PLPP2: variants seen among roughly 807,000 people sequenced by gnomAD.
PLPP2 encodes phospholipid phosphatase 2, also known as PAP2-gamma.
Under a neutral mutation model 35.2 loss-of-function variants are expected in PLPP2, and 29 were observed. The ratio of observed to expected loss-of-function variants is 0.82; its 90% CI spans 0.61 to 1.12. The LOEUF (loss-of-function observed/expected upper bound fraction) is 1.12, where lower values mean the gene tolerates loss of function less well. Among genes scored for constraint, PLPP2 ranks in the 50% most tolerant of loss-of-function variants. The pLI is 0.00. For missense variants in PLPP2, 353 were observed against 375.2 expected, an observed-to-expected ratio of 0.94 and a Z score of 0.49; for synonymous variants, 162 against 167.0, an observed-to-expected ratio of 0.97 and a Z score of 0.23.
Position 288,171 on chromosome 19 carries a change from G to A in PLPP2, c.53C>T (p.Ala18Val). ...VLLDVLCLLV[A>V]SLPFAILTLV... ...CGTCAGGATAGCGAAGGGCAGGGAG[G>A]CTGGTGGGGAAGAAAAGCCTGGGAG... The change falls in exon 2 of 6, where the codon GCC becomes GTC. Residue 18 changes from alanine (A) to valine (V), a missense_variant and splice_region_variant. Physicochemically the swap from Ala to Val is moderately conservative, Grantham distance 64. Coordinates refer to ENST00000434325, the MANE Select transcript of PLPP2 (RefSeq NM_003712.4). 1.3e-6 allele frequency: 2 copies of A among 1,571,118 alleles called. No homozygotes were observed. The highest frequency in any genetic ancestry group is 1.7e-6 in the Non-Finnish European group (2 of 1,153,890).
At chr19:288,753 C>G (rs867562111) in intron 1 of PLPP2, among the ~76,000 whole-genome samples, 33 of 152,294 alleles carry the variant, frequency 2.2e-4, no homozygotes, top group Admixed American at 9.2e-4. Flanking sequence ...TGGAATTTGG[C>G]AGTCACGTGT....
At position 288,188 on chromosome 19, in the gene PLPP2, GC is replaced by G; in HGVS notation, c.53-18del. On this transcript the variant is annotated intron_variant, in intron 1 of 5. Transcript: ENST00000434325. Reference sequence around the variant, plus strand: ...GCAGGGAGGCTGGTGGGGAAGAAAAGCCTGGGAGCTGTGAGGTTCTCTCACC... The same window carrying G: ...GCAGGGAGGCTGGTGGGGAAGAAAAGCTGGGAGCTGTGAGGTTCTCTCACC... 1 of 1,557,684 alleles carries G rather than the reference GC, an allele frequency of 6.4e-7. No individual in the cohort carries two copies. Among genetic ancestry groups the G allele is most frequent in the Non-Finnish European group, 8.7e-7 (1 of 1,147,874 alleles).
chr19:288,924 G>A (rs756108891), intron 1 of PLPP2, among the ~76,000 whole-genome samples: 7 of 152,188 alleles, frequency 4.6e-5, no homozygotes, highest in Non-Finnish European at 8.8e-5. Context: ...CTAAGAGCAG[G>A]CCAGAGAAGT....
chr19:290,347 A>G (rs1970361799), intron 1 of PLPP2, among the ~76,000 whole-genome samples: 1 of 152,226 alleles, frequency 6.6e-6, no homozygotes, highest in East Asian at 1.9e-4. Flanking sequence ...GCATACAGAA[A>G]GTGCCACCTA....
At chr19:288,466 T>TA (rs1044576417) in intron 1 of PLPP2, 11 of 223,522 alleles carry the variant, frequency 4.9e-5, no homozygotes, top group African/African-American at 2.1e-4. Flanking sequence ...CTTTTTTTTT[T>TA]AAATTTTTAA....
chr19:288,354 C>T (rs1970313607), intron 1 of PLPP2, 183 bp from the exon 2 acceptor site: 1 of 520,008 alleles, frequency 1.9e-6, no homozygotes, highest in Non-Finnish European at 3.2e-6. Flanking sequence ...ACAAACTCCT[C>T]AGGCGCTCTG....
In PLPP2 at chr19:281,554, T is replaced by G; in HGVS notation, c.718-17A>C. The G allele has an allele frequency of 1.4e-6, 2 of 1,445,426 alleles. No homozygotes were observed. The highest frequency in any genetic ancestry group is 1.8e-6 in the Non-Finnish European group (2 of 1,091,414). The allele number at this position is 1,445,426 out of a possible 1,614,324, so 89.5% of individuals were successfully genotyped here. A position where few individuals can be genotyped will look rare whatever the true frequency, so the allele number is the denominator to read the frequency against. The stretch of plus-strand genomic sequence containing the variant: ...GTAGCAGACCTGGTAGAGCAGAGGG[T>G]GGTGAGAATGGGCAGGGGGCTGTCC... On this transcript the variant is annotated splice_polypyrimidine_tract_variant and intron_variant, in intron 5 of 5. Coordinates refer to ENST00000434325, the MANE Select transcript of PLPP2 (RefSeq NM_003712.4).
Position 287,714 on chromosome 19 carries a change from C to A in PLPP2, c.242G>T (p.Arg81Leu), listed in dbSNP as rs1206100352. 12 of 1,613,876 alleles carry A rather than the reference C, an allele frequency of 7.4e-6. No individual in the cohort carries two copies. Among genetic ancestry groups the A allele is most frequent in the Non-Finnish European group, 9.3e-6 (11 of 1,180,042 alleles). Residue 81 changes from arginine to leucine, a missense_variant, in exon 3 of 6, where the codon CGG becomes CTG. Physicochemically the swap from Arg to Leu is moderately radical, Grantham distance 102 (BLOSUM62 -2). Transcript: ENST00000434325. This position sits in a 1 kb window ranked among gnomAD's most constrained non-coding sequence, Gnocchi z 4.3. ...AGEAYLVYTD[R>L]LYSRSDFNNY... is the part of the protein sequence containing the mutation. ...GTTGAAGTCCGAGCGAGAATAGAGCCGGTCTGTGTACACCAGGTAGGCTTC... is the reference window on the plus strand; with the variant it reads ...GTTGAAGTCCGAGCGAGAATAGAGCAGGTCTGTGTACACCAGGTAGGCTTC...
intron 1 of PLPP2, chr19:290,913 C>G (rs904540352): frequency 5.7e-6 from 7 of 1,222,168 alleles, no homozygotes; most frequent in Non-Finnish European, 6.1e-6. Context: ...GCCGGGGTAA[C>G]CCGCGGCCGC....
chr19:287,634 C>T lies in PLPP2; in HGVS notation c.322G>A (p.Val108Met), dbSNP rs756588501. Residue 108 changes from valine (V) to methionine (M), a missense_variant, in exon 3 of 6, where the codon GTG (valine) becomes ATG (methionine). Val to Met is a conservative substitution (Grantham distance 21). Coordinates refer to ENST00000434325, the MANE Select transcript of PLPP2 (RefSeq NM_003712.4). This position sits in a 1 kb window ranked among gnomAD's most constrained non-coding sequence, Gnocchi z 4.3. ...GCCAGGTCTGTCAGAGACTGGCTCA[C>T]GGCAGCCCCAAACAGGAAGGTCCCC... ...VLGTFLFGAAVSQSLTDLAKY... is the reference protein window; with the variant it reads ...VLGTFLFGAAMSQSLTDLAKY... The T allele has an allele frequency of 9.3e-6, 15 of 1,613,770 alleles. No individual in the cohort carries two copies. The highest frequency in any genetic ancestry group is 3.3e-5 in the Admixed American group (2 of 60,002).
rs774305457 is a variant in PLPP2 at position 282,119 on chromosome 19, G to A, written c.717+15C>T. On this transcript the variant is annotated intron_variant, in intron 5 of 5. Coordinates refer to ENST00000434325, the MANE Select transcript of PLPP2 (RefSeq NM_003712.4). The stretch of plus-strand genomic sequence containing the variant: ...CTGGACAACACAGGGGATAGAGTTA[G>A]GGTTAGAAGCTCACAGTGAGGGCAG... 1.2e-6 allele frequency: 2 copies of A among 1,612,496 alleles called. No homozygotes were observed. The highest frequency in any genetic ancestry group is 2.7e-5 in the African/African-American group (2 of 74,818).
At chr19:288,318 T>G in intron 1 of PLPP2, 147 bp from the exon 2 acceptor site, 1 of 695,670 alleles carries the variant, frequency 1.4e-6, no homozygotes, top group Non-Finnish European at 2.2e-6. Flanking sequence ...CAAATAACAC[T>G]CCCTTTCGCA....
At chr19:286,250 T>C (rs895825743) in intron 3 of PLPP2, 1 of 151,448 alleles carries the variant, frequency 6.6e-6, no homozygotes, top group African/African-American at 2.4e-5. Flanking sequence ...GGCGAGAGGA[T>C]TGCTTGAGCC....
At position 281,197 on chromosome 19, in the gene PLPP2, G is replaced by T; in HGVS notation, c.*191C>A. The T allele has an allele frequency of 2.2e-6, 1 of 464,584 alleles. No individual in the cohort carries two copies. Among genetic ancestry groups the T allele is most frequent in the Non-Finnish European group, 3.5e-6 (1 of 287,178 alleles). 28.8% of individuals were successfully genotyped at this position (464,584 alleles called of 1,614,324 possible). On this transcript the variant is annotated 3_prime_UTR_variant, in exon 6 of 6. Coordinates refer to ENST00000434325, the MANE Select transcript of PLPP2 (RefSeq NM_003712.4). The stretch of plus-strand genomic sequence containing the variant: ...AACAGGTTCCCCTCCAAATGCTGAG[G>T]GCTACCCAGGCATCTCCAGACTCCT...
intron 5 of PLPP2, 68 bp from the exon 6 acceptor site, chr19:281,605 A>T (rs988907719): frequency 3.0e-6 from 4 of 1,338,782 alleles, no homozygotes; most frequent in Non-Finnish European, 3.9e-6. Context: ...GGGCATGAGC[A>T]GGAGGGGGAG....
rs549935233 is a variant in PLPP2 at position 287,947 on chromosome 19, C to T, written c.204+73G>A. ...CCAGGGCAGGGCTGTGCCACCCCCC[C>T]ATCAGGCCCCCAGGGTAAAGCTGGC... On this transcript the variant is annotated intron_variant, in intron 2 of 5. Transcript: ENST00000434325. The surrounding 1 kb of genome is among the most constrained non-coding windows in gnomAD (Gnocchi z 4.3). The T allele has an allele frequency of 1.5e-5, 24 of 1,552,154 alleles. No individual in the cohort carries two copies. The South Asian group carries it at 2.1e-4, about 14-fold the overall frequency.
chr19:291,006 C>T, intron 1 of PLPP2: 2 of 1,279,142 alleles, frequency 1.6e-6, no homozygotes, highest in Non-Finnish European at 2.0e-6. Context: ...TCCGCACAGA[C>T]TTCCTGCTGC....
In PLPP2 at chr19:281,195, AG is replaced by A; in HGVS notation, c.*192del. 2.2e-6 allele frequency: 1 copy of A among 457,232 alleles called. No individual in the cohort carries two copies. Among genetic ancestry groups the A allele is most frequent in the Non-Finnish European group, 3.6e-6 (1 of 280,504 alleles). 28.3% of individuals were successfully genotyped at this position (457,232 alleles called of 1,614,324 possible). On this transcript the variant is annotated 3_prime_UTR_variant, in exon 6 of 6. Transcript: ENST00000434325. ...GGAACAGGTTCCCCTCCAAATGCTGAGGGCTACCCAGGCATCTCCAGACTCC... is the reference window on the plus strand; with the variant it reads ...GGAACAGGTTCCCCTCCAAATGCTGAGGCTACCCAGGCATCTCCAGACTCC...
intron 1 of PLPP2, chr19:291,067 C>T (rs945983830): frequency 3.1e-6 from 4 of 1,301,826 alleles, no homozygotes; most frequent in Non-Finnish European, 3.9e-6. Flanking sequence ...CGACCCCCAT[C>T]CCCCTGGGCC....
Sources: gnomAD v4.1 joint callset for allele counts (sites outside exome capture counted in the v4.1 genomes callset) on GRCh38, gnomAD v4.1.1 for gene constraint, Gnocchi (gnomAD v3.1) non-coding constraint, MANE v1.5 for transcripts, NCBI Gene and HGNC (gene_info 2026-07-23, HGNC 2026-07-21) for gene names.